DENND1A: variants seen among roughly 807,000 people sequenced by gnomAD.
DENND1A encodes the protein DENN domain-containing protein 1A.
Under a neutral mutation model 113.7 loss-of-function variants are expected in DENND1A, and 51 were observed. The ratio of observed to expected loss-of-function variants is 0.45; its 90% confidence interval spans 0.36 to 0.57. The LOEUF is 0.57. Among genes scored for constraint, DENND1A ranks in the 20% least tolerant of loss-of-function variants. The probability of loss-of-function intolerance (pLI) is 0.00; values close to 1 mark genes in which losing one functional copy is unlikely to be tolerated. For synonymous variants in DENND1A, 565 were observed against 570.8 expected, an observed-to-expected ratio of 0.99 and a Z score of 0.14; for missense variants, 1,258 against 1,395.9, an observed-to-expected ratio of 0.90 and a Z score of 1.57.
At chr9:123,396,103 G>T (rs888954840) in intron 21 of DENND1A, among the ~76,000 whole-genome samples, 2 of 152,168 alleles carry the variant, frequency 1.3e-5, no homozygotes, top group African/African-American at 2.4e-5. Flanking sequence ...GGTGGTTCGT[G>T]GGGGAGGTGT....
intron 5 of DENND1A, among the ~76,000 whole-genome samples, chr9:123,741,714 T>C (rs1351025485): frequency 6.6e-6 from 1 of 152,168 alleles, no homozygotes; most frequent in Non-Finnish European, 1.5e-5. Flanking sequence ...CTAAACTTTG[T>C]TAAATAAAGC....
intron 3 of DENND1A, among the ~76,000 whole-genome samples, chr9:123,786,486 T>G (rs1832200349): frequency 6.6e-6 from 1 of 152,212 alleles, no homozygotes; most frequent in African/African-American, 2.4e-5. Context: ...TATAGCCTAC[T>G]AGGCAGTAAG....
At chr9:123,586,811 C>T (rs1027645561) in intron 11 of DENND1A, among the ~76,000 whole-genome samples, 9 of 152,168 alleles carry the variant, frequency 5.9e-5, no homozygotes, top group East Asian at 3.9e-4. Context: ...CGCCAGGTGC[C>T]GGTGCCTCTC....
intron 13 of DENND1A, 31 bp from the exon 14 acceptor site, chr9:123,457,928 GT>G (rs779195459): frequency 1.3e-6 from 2 of 1,541,554 alleles, no homozygotes; most frequent in Non-Finnish European, 1.8e-6. Flanking sequence ...AGGTGGGTCA[GT>G]GGCACGGAGC....
At chr9:123,761,692 G>C (rs1436451776) in intron 4 of DENND1A, among the ~76,000 whole-genome samples, 1 of 152,156 alleles carries the variant, frequency 6.6e-6, no homozygotes, top group African/African-American at 2.4e-5. Flanking sequence ...CCCAAAACCA[G>C]TAGGCTCTAA....
intron 2 of DENND1A, among the ~76,000 whole-genome samples, chr9:123,827,503 CAG>C (rs1046922721): frequency 4.6e-4 from 70 of 151,456 alleles, no homozygotes; most frequent in African/African-American, 1.6e-3. Context: ...CCTGGGCAAC[CAG>C]AGTGAGACCT....
At chr9:123,450,043 G>GAAA (rs112846577) in intron 18 of DENND1A, among the ~76,000 whole-genome samples, 1 of 119,730 alleles carries the variant, frequency 8.4e-6, no homozygotes. Flanking sequence ...GATAAAAAAA[G>GAAA]AAAAAAAAAA....
intron 9 of DENND1A, among the ~76,000 whole-genome samples, chr9:123,647,725 T>G (rs549483434): frequency 6.6e-6 from 1 of 152,316 alleles, no homozygotes; most frequent in African/African-American, 2.4e-5. Context: ...CATAATCATA[T>G]TGATAGTGCA....
chr9:123,791,116 A>AT (rs528249539), intron 3 of DENND1A, among the ~76,000 whole-genome samples: 1,703 of 152,296 alleles, frequency 0.011, 23 homozygotes, highest in Non-Finnish European at 0.017. Flanking sequence ...TAACTATGCT[A>AT]TTTTAAGTTT....
At chr9:123,385,612 G>A (rs1482758626) in intron 22 of DENND1A, among the ~76,000 whole-genome samples, 4 of 152,224 alleles carry the variant, frequency 2.6e-5, no homozygotes. Context: ...TGGGGGACAT[G>A]GGAGGGCTCA....
At chr9:123,607,616 C>T (rs2060232807) in intron 11 of DENND1A, among the ~76,000 whole-genome samples, 1 of 140,062 alleles carries the variant, frequency 7.1e-6, no homozygotes, top group Non-Finnish European at 1.5e-5. Context: ...CTGGGGGAGA[C>T]ATCCGTAGTA....
intron 13 of DENND1A, among the ~76,000 whole-genome samples, chr9:123,555,196 C>T (rs1039313089): frequency 2.6e-5 from 4 of 152,132 alleles, no homozygotes; most frequent in Admixed American, 6.6e-5. Context: ...TGGAGCCACC[C>T]GGGGCTCTCT....
At chr9:123,391,025 A>C (rs1016075487) in intron 21 of DENND1A, among the ~76,000 whole-genome samples, 10 of 152,338 alleles carry the variant, frequency 6.6e-5, no homozygotes, top group Middle Eastern at 3.4e-3. Context: ...GGCTTTGCTA[A>C]ATCCAACTGC....
At chr9:123,445,820 T>A (rs1330763233) in intron 18 of DENND1A, among the ~76,000 whole-genome samples, 1 of 152,072 alleles carries the variant, frequency 6.6e-6, no homozygotes, top group East Asian at 1.9e-4. Flanking sequence ...TGAGCTGAGA[T>A]CACACCACTG....
intron 13 of DENND1A, among the ~76,000 whole-genome samples, chr9:123,484,834 C>T (rs1367949897): frequency 6.6e-6 from 1 of 152,210 alleles, no homozygotes; most frequent in African/African-American, 2.4e-5. Context: ...GGGGTGCACA[C>T]TGGCCATGGA....
intron 13 of DENND1A, among the ~76,000 whole-genome samples, chr9:123,476,290 AT>A (rs2049907167): frequency 1.3e-5 from 2 of 152,132 alleles, no homozygotes; most frequent in Non-Finnish European, 2.9e-5. Flanking sequence ...CCTCCAGCTG[AT>A]AAAGGGGTCA....
At chr9:123,394,363 G>T (rs895667828) in intron 21 of DENND1A, among the ~76,000 whole-genome samples, 1 of 152,112 alleles carries the variant, frequency 6.6e-6, no homozygotes, top group Admixed American at 6.5e-5. Context: ...CCATGTCCGG[G>T]TGGGGAGTTC....
intron 13 of DENND1A, among the ~76,000 whole-genome samples, chr9:123,528,352 T>G (rs2135272659): frequency 6.6e-6 from 1 of 152,346 alleles, no homozygotes; most frequent in East Asian, 1.9e-4. Context: ...ATATTCTTTA[T>G]TTCCTCCAGG....
intron 1 of DENND1A, among the ~76,000 whole-genome samples, chr9:123,912,508 C>T (rs1216346001): frequency 6.6e-6 from 1 of 152,172 alleles, no homozygotes; most frequent in Non-Finnish European, 1.5e-5. Context: ...TAAGAAAATA[C>T]TCACCAAACA....
Sources: gnomAD v4.1 joint callset for allele counts (sites outside exome capture counted in the v4.1 genomes callset) on GRCh38, gnomAD v4.1.1 for gene constraint, MANE v1.5 for transcripts, NCBI Gene and HGNC (gene_info 2026-07-23, HGNC 2026-07-21) for gene names.